NRG3: variants seen among roughly 807,000 people sequenced by gnomAD.
The protein encoded by NRG3 is neuregulin 3, also known as pro-neuregulin-3, membrane-bound isoform.
In NRG3, 31 loss-of-function variants were observed where a neutral mutation model predicts 66.9. The ratio of observed to expected loss-of-function variants is 0.46; its 90% CI spans 0.35 to 0.63. The LOEUF (loss-of-function observed/expected upper bound fraction) is 0.63. NRG3 is among the 20% of genes least tolerant of loss of function. NRG3 has a pLI of 0.00. For missense variants in NRG3, 910 were observed against 878.9 expected, an observed-to-expected ratio of 1.04 and a Z score of -0.45; for synonymous variants, 393 against 359.4, an observed-to-expected ratio of 1.09 and a Z score of -1.06.
intron 2 of NRG3, among the ~76,000 whole-genome samples, chr10:82,657,565 G>A (rs2051966788): frequency 6.6e-6 from 1 of 151,960 alleles, no homozygotes; most frequent in South Asian, 2.1e-4. Context: ...GCTGCAAGTT[G>A]TGTAACTTGC....
At chr10:81,893,122 A>C (rs560964972) in intron 1 of NRG3, among the ~76,000 whole-genome samples, 1 of 152,332 alleles carries the variant, frequency 6.6e-6, no homozygotes, top group South Asian at 2.1e-4. Context: ...TAATAAACGG[A>C]AAGTAAAAGT....
intron 2 of NRG3, among the ~76,000 whole-genome samples, chr10:82,387,787 A>C (rs1318075001): frequency 6.6e-6 from 1 of 152,204 alleles, no homozygotes; most frequent in Non-Finnish European, 1.5e-5. Flanking sequence ...TCAAAATAAG[A>C]TAAGGGGATT....
intron 1 of NRG3, among the ~76,000 whole-genome samples, chr10:81,912,504 G>A (rs759666819): frequency 1.6e-4 from 25 of 152,314 alleles, no homozygotes; most frequent in African/African-American, 5.1e-4. Context: ...TTACAGGCAT[G>A]AGCCACCATG....
chr10:82,251,096 C>A (rs2077465837), intron 1 of NRG3, among the ~76,000 whole-genome samples: 1 of 152,190 alleles, frequency 6.6e-6, no homozygotes, highest in Admixed American at 6.5e-5. Flanking sequence ...GTTGGACGTA[C>A]ATTGCTACAA....
At chr10:82,967,144 T>C (rs1344982170) in intron 6 of NRG3, among the ~76,000 whole-genome samples, 5 of 148,686 alleles carry the variant, frequency 3.4e-5, no homozygotes, top group African/African-American at 9.8e-5. Context: ...ATTTTATATA[T>C]ATATATATGT....
chr10:82,095,616 A>C (rs953684095), intron 1 of NRG3, among the ~76,000 whole-genome samples: 2 of 152,176 alleles, frequency 1.3e-5, no homozygotes, highest in African/African-American at 4.8e-5. Flanking sequence ...GAAATCAGTG[A>C]TATCCCAAGC....
At chr10:82,399,439 C>T (rs1037696182) in intron 2 of NRG3, among the ~76,000 whole-genome samples, 9 of 152,252 alleles carry the variant, frequency 5.9e-5, no homozygotes, top group Middle Eastern at 3.4e-3. Context: ...TGTCTTAGTT[C>T]GAGCTGCTAT....
At chr10:82,160,610 C>G (rs892043337) in intron 1 of NRG3, among the ~76,000 whole-genome samples, 2 of 151,640 alleles carry the variant, frequency 1.3e-5, no homozygotes, top group Non-Finnish European at 2.9e-5. Context: ...GCTTTTAACC[C>G]AAGCAAGAAG....
chr10:81,963,342 C>G (rs897264472), intron 1 of NRG3, among the ~76,000 whole-genome samples: 2 of 150,412 alleles, frequency 1.3e-5, no homozygotes, highest in Non-Finnish European at 3.0e-5. Flanking sequence ...ACCGTTTTAG[C>G]CGGGATGGTC....
At chr10:82,947,110 A>ATCAGTCCCTACTCCTG (rs1351908075) in intron 4 of NRG3, among the ~76,000 whole-genome samples, 1 of 152,166 alleles carries the variant, frequency 6.6e-6, no homozygotes, top group African/African-American at 2.4e-5. Flanking sequence ...AATCTCTCCT[A>ATCAGTCCCTACTCCTG]TCAGTCCCTA....
chr10:82,406,852 A>G (rs1352192065), intron 2 of NRG3, among the ~76,000 whole-genome samples: 2 of 152,028 alleles, frequency 1.3e-5, no homozygotes, highest in Non-Finnish European at 2.9e-5. Context: ...AAATTGAATT[A>G]TTTTCTGTTA....
intron 4 of NRG3, among the ~76,000 whole-genome samples, chr10:82,936,805 G>C (rs917377097): frequency 2.6e-5 from 4 of 152,106 alleles, no homozygotes; most frequent in African/African-American, 7.2e-5. Context: ...GAAGACAACT[G>C]TTAAACATAG....
At chr10:82,694,279 C>G (rs1463466810) in intron 2 of NRG3, among the ~76,000 whole-genome samples, 1 of 152,184 alleles carries the variant, frequency 6.6e-6, no homozygotes, top group Non-Finnish European at 1.5e-5. Context: ...AAGCCTTTAG[C>G]TAGACACAAA....
chr10:82,679,879 A>G (rs537250019), intron 2 of NRG3, among the ~76,000 whole-genome samples: 1 of 152,282 alleles, frequency 6.6e-6, no homozygotes, highest in Non-Finnish European at 1.5e-5. Flanking sequence ...AAAAGAAAAA[A>G]GTCTTTTGTT....
chr10:82,717,638 C>G (rs1413543911), intron 2 of NRG3, among the ~76,000 whole-genome samples: 2 of 151,884 alleles, frequency 1.3e-5, no homozygotes, highest in African/African-American at 2.4e-5. Flanking sequence ...CTCCTGACCT[C>G]GTGATCCGCC....
chr10:82,530,668 T>G (rs1201041464), intron 2 of NRG3, among the ~76,000 whole-genome samples: 5 of 151,860 alleles, frequency 3.3e-5, no homozygotes, highest in Non-Finnish European at 7.4e-5. Flanking sequence ...GATAAGACAT[T>G]AAAAATTATC....
intron 2 of NRG3, among the ~76,000 whole-genome samples, chr10:82,657,448 T>C (rs2051959971): frequency 6.6e-6 from 1 of 152,176 alleles, no homozygotes; most frequent in Non-Finnish European, 1.5e-5. Context: ...TAATTATGAA[T>C]CAGTTTGTAC....
At chr10:82,562,892 G>A (rs1317111729) in intron 2 of NRG3, among the ~76,000 whole-genome samples, 3 of 152,036 alleles carry the variant, frequency 2.0e-5, no homozygotes, top group Non-Finnish European at 4.4e-5. Flanking sequence ...ATCCTAACAT[G>A]GCACACTGCA....
intron 3 of NRG3, among the ~76,000 whole-genome samples, chr10:82,822,447 A>G (rs928612137): frequency 6.6e-6 from 1 of 152,144 alleles, no homozygotes; most frequent in Non-Finnish European, 1.5e-5. Flanking sequence ...GTCTTAATGC[A>G]TGGTGCCAAC....
Sources: gnomAD v4.1 joint callset for allele counts (sites outside exome capture counted in the v4.1 genomes callset) on GRCh38, gnomAD v4.1.1 for gene constraint, MANE v1.5 for transcripts, NCBI Gene and HGNC (gene_info 2026-07-23, HGNC 2026-07-21) for gene names.